The following RHBDF1 variants were observed in gnomAD, a reference collection of about 807,000 sequenced individuals.
The protein encoded by RHBDF1 is rhomboid 5 homolog 1.
In RHBDF1, 80 loss-of-function variants were observed where a neutral mutation model predicts 98.6. The ratio of observed to expected loss-of-function variants is 0.81; its 90% confidence interval spans 0.68 to 0.98. The LOEUF (loss-of-function observed/expected upper bound fraction) is 0.98. Among genes scored for constraint, RHBDF1 ranks in the 50% least tolerant of loss-of-function variants. The pLI, the probability that RHBDF1 is intolerant of heterozygous loss-of-function variation, is 0.00. For missense variants in RHBDF1, 1,116 were observed against 1,198.3 expected (o/e 0.93, Z 1.01); for synonymous variants, 512 against 486.8 (o/e 1.05, Z -0.68).
chr16:74,517 G>A (rs1040672367), upstream of RHBDF1, among the ~76,000 whole-genome samples: 3 of 152,110 alleles, frequency 2.0e-5, no homozygotes, highest in African/African-American at 7.2e-5. Flanking sequence ...CACCTTCAGT[G>A]GGGAGCATGC....
At position 72,553 on chromosome 16, in the gene RHBDF1, G is replaced by A. The variant is rs1196980084; in HGVS notation, c.-65C>T. 11 of 830,866 alleles carry A rather than the reference G, an allele frequency of 1.3e-5. No homozygotes were observed. In the African/African-American group the frequency reaches 6.3e-4, roughly 48 times the overall value. The allele number at this position is 830,866 out of a possible 1,614,324, so 51.5% of individuals were successfully genotyped here. On this transcript the variant is annotated 5_prime_UTR_variant, in exon 1 of 18. Transcript: ENST00000262316. ...CTCTGGGGGGTCCTGAGGGCGCCGG[G>A]GAGGAGGCTGCCGCCGCTGGCCGGG...
chr16:67,469 C>T (rs1373737341), intron 1 of RHBDF1, among the ~76,000 whole-genome samples: 1 of 152,182 alleles, frequency 6.6e-6, no homozygotes, highest in South Asian at 2.1e-4. Flanking sequence ...TGACCTTTGC[C>T]AACAGAGACC....
In RHBDF1 at chr16:59,030, G is replaced by A. The variant is rs775310585; in HGVS notation, c.2092C>T (p.Leu698=). ...GWHRIAIIYL[L]SGVTGNLASA... ...GCCAGGTTGCCGGTGACACCACTCAGCAGGTAGATGATGGCTATGCGGTGC... is the reference window on the plus strand; with the variant it reads ...GCCAGGTTGCCGGTGACACCACTCAACAGGTAGATGATGGCTATGCGGTGC... Residue 698 remains leucine, a synonymous_variant, in exon 17 of 18, where the codon CTG becomes TTG. Transcript: ENST00000262316. The A allele has an allele frequency of 1.2e-6, 2 of 1,613,448 alleles. No homozygotes were observed. The highest frequency in any genetic ancestry group is 2.2e-5 in the East Asian group (1 of 44,888).
At position 59,848 on chromosome 16, in the gene RHBDF1, G is replaced by A. The variant is rs750961168; in HGVS notation, c.1723-22C>T. The stretch of plus-strand genomic sequence containing the variant: ...AGATCTGGGTCACAAATGAGGACGA[G>A]CTGAGTCAGGGCCTCCCCCAACCTT... On this transcript the variant is annotated intron_variant, in intron 13 of 17. Coordinates refer to ENST00000262316, the MANE Select transcript of RHBDF1 (RefSeq NM_022450.5). 12 of 1,613,898 alleles carry A rather than the reference G, an allele frequency of 7.4e-6. No individual in the cohort carries two copies. In the African/African-American group the frequency reaches 1.5e-4, roughly 20 times the overall value.
upstream of RHBDF1, chr16:72,698 G>C: frequency 1.0e-6 from 1 of 982,694 alleles, no homozygotes; most frequent in African/African-American, 1.7e-5. Context: ...CTGACTCAGA[G>C]CTCAGGAATG....
intron 1 of RHBDF1, among the ~76,000 whole-genome samples, chr16:71,284 C>T (rs893312469): frequency 1.3e-5 from 2 of 152,216 alleles, no homozygotes; most frequent in Non-Finnish European, 2.9e-5. Flanking sequence ...TTCAATCTGG[C>T]ACCACCAGAC....
intron 15 of RHBDF1, 23 bp downstream of exon 15, chr16:59,396 C>G (rs373966570): frequency 6.2e-7 from 1 of 1,612,550 alleles, no homozygotes; most frequent in African/African-American, 1.3e-5. Flanking sequence ...GGGAGGGGAA[C>G]GACGGACACT....
Position 59,453 on chromosome 16 carries a change from C to T in RHBDF1, c.1859G>A (p.Gly620Asp). 2 of 1,613,790 alleles carry T rather than the reference C, an allele frequency of 1.2e-6. No homozygotes were observed. Among genetic ancestry groups the T allele is most frequent in the Non-Finnish European group, 1.7e-6 (2 of 1,179,988 alleles). The change falls in exon 15 of 18, where the codon GGC becomes GAC. Residue 620 changes from glycine to aspartate, a missense_variant. Physicochemically the swap from Gly to Asp is moderately conservative, Grantham distance 94. Coordinates refer to ENST00000262316, the MANE Select transcript of RHBDF1 (RefSeq NM_022450.5). ...TSREYCDFMR[G>D]YFHEEATLCS... ...GAGCGTGGCCTCCTCATGGAAGTAGCCCCTCATGAAGTCACAGTACTCCCG... is the reference window on the plus strand; with the variant it reads ...GAGCGTGGCCTCCTCATGGAAGTAGTCCCTCATGAAGTCACAGTACTCCCG...
intron 7 of RHBDF1, among the ~76,000 whole-genome samples, 174 bp downstream of exon 7, chr16:62,364 G>A (rs899244464): frequency 2.6e-5 from 4 of 152,036 alleles, no homozygotes; most frequent in Non-Finnish European, 5.9e-5. Context: ...CATGAGACTG[G>A]GGCCATGCCC....
rs768222960 is a variant in RHBDF1, at chr16:64,979, G to A, written c.37C>T (p.Gln13Ter). Residue 13 changes from glutamine (Q) to a stop codon, truncating the protein, a stop_gained, in exon 2 of 18, where the codon CAG (glutamine) becomes TAG (stop). Transcript: ENST00000262316. LOFTEE classifies it high-confidence loss of function. ...TTTAGCCAGGGTGGCTTCTTGCGCT[G>A]CAGGCTGCTCGTGCTGTCCCTGCGG... ...EARRDSTSSL[Q>*]RKKPPWLKLD... is the part of the protein sequence containing the mutation. The A allele has an allele frequency of 3.9e-6, 6 of 1,549,938 alleles. No homozygotes were observed. The highest frequency in any genetic ancestry group is 5.2e-6 in the Non-Finnish European group (6 of 1,145,390).
At chr16:74,010 TG>T, upstream of RHBDF1, 1 of 890,260 alleles carries the variant, frequency 1.1e-6, no homozygotes, top group Non-Finnish European at 1.3e-6. Context: ...GGGTGCTCTC[TG>T]AACACAAGCA....
chr16:67,567 G>C (rs1317497832), intron 1 of RHBDF1, among the ~76,000 whole-genome samples: 1 of 152,186 alleles, frequency 6.6e-6, no homozygotes, highest in Non-Finnish European at 1.5e-5. Context: ...TCCCATCTCA[G>C]AGCCCTGCAA....
intron 11 of RHBDF1, among the ~76,000 whole-genome samples, chr16:60,842 GT>G (rs1796213677): frequency 6.6e-6 from 1 of 152,180 alleles, no homozygotes; most frequent in South Asian, 2.1e-4. Flanking sequence ...AAATTGCTTA[GT>G]GGAAAAGAGG....
chr16:61,147 G>A lies in RHBDF1; in HGVS notation c.1530C>T (p.Cys510=), dbSNP rs1256441711. Residue 510 remains cysteine, a synonymous_variant, in exon 11 of 18, where the codon TGC becomes TGT. Coordinates refer to ENST00000262316, the MANE Select transcript of RHBDF1 (RefSeq NM_022450.5). ...AGCACTCCTCCTCCGAGGTCTGCAC[G>A]CAGCCCGACCTGTCGTTGCGCACGC... ...ACCVRNDRSG[C]VQTSEEECSS... is the part of the protein sequence containing the mutation. 3 of 1,536,786 alleles carry A rather than the reference G, an allele frequency of 2.0e-6. No individual in the cohort carries two copies. The highest frequency in any genetic ancestry group is 2.0e-5 in the Admixed American group (1 of 50,884).
In RHBDF1 at chr16:63,729, C is replaced by T. The variant is rs777372337; in HGVS notation, c.320G>A (p.Arg107His). 75 of 1,613,666 alleles carry T rather than the reference C, an allele frequency of 4.6e-5. No homozygotes were observed. The highest frequency in any genetic ancestry group is 3.6e-5 in the Non-Finnish European group (42 of 1,179,984). ...CTTCCCGTAGCGCTGGCTGCAGTGA[C>T]GGATGCTCTTGCGCTGCCATTTCTG... ...STQKWQRKSI[R>H]HCSQRYGKLK... Residue 107 changes from arginine (R) to histidine (H), a missense_variant, in exon 4 of 18, where the codon CGT becomes CAT. Transcript: ENST00000262316.
chr16:70,176 CAG>C (rs889678796), intron 1 of RHBDF1, among the ~76,000 whole-genome samples: 66 of 152,332 alleles, frequency 4.3e-4, no homozygotes, highest in Admixed American at 1.1e-3. Context: ...GCCACACAGT[CAG>C]AAAGGGGATG....
chr16:73,486 A>C (rs1297015971), upstream of RHBDF1, among the ~76,000 whole-genome samples: 1 of 152,084 alleles, frequency 6.6e-6, no homozygotes, highest in Non-Finnish European at 1.5e-5. Context: ...GGCTGGACTC[A>C]AAATGGCACT....
chr16:75,733 C>T (rs1241990999), upstream of RHBDF1, among the ~76,000 whole-genome samples: 1 of 152,182 alleles, frequency 6.6e-6, no homozygotes, highest in Non-Finnish European at 1.5e-5. Flanking sequence ...GAAGCTTTGG[C>T]CCTCCAGGGC....
chr16:62,341 T>C, intron 7 of RHBDF1, 197 bp downstream of exon 7: 1 of 796,680 alleles, frequency 1.3e-6, no homozygotes, highest in Non-Finnish European at 1.9e-6. Context: ...GCTGTCCCAT[T>C]CCACAGGCAA....
Sources: allele counts gnomAD v4.1 joint callset (sites outside exome capture counted in the v4.1 genomes callset), GRCh38; gene constraint gnomAD v4.1.1; transcripts MANE v1.5; gene names NCBI Gene and HGNC (gene_info 2026-07-23, HGNC 2026-07-21).